The following CENPF variants were observed in gnomAD, a reference collection of about 807,000 sequenced individuals.
CENPF encodes the protein AH antigen.
A neutral mutation model predicts 307.3 loss-of-function variants in CENPF; 214 were observed. That is an observed-to-expected ratio of 0.70 (90% CI 0.62 to 0.78). CENPF has a LOEUF of 0.78. Among genes scored for constraint, CENPF ranks in the 30% least tolerant of loss-of-function variants. The pLI is 0.00. For missense variants in CENPF, 3,401 were observed against 3,483.9 expected (o/e 0.98, Z 0.60); for synonymous variants, 1,259 against 1,270.6 (o/e 0.99, Z 0.19).
chr1:214,618,468 A>T, intron 3 of CENPF, 105 bp from the exon 4 acceptor site: 1 of 1,318,074 alleles, frequency 7.6e-7, no homozygotes, highest in Non-Finnish European at 1.0e-6. Flanking sequence ...TTCTTAGTGG[A>T]TGGGTTTCTT....
In CENPF at chr1:214,646,258, G is replaced by C. The variant is rs1658297150; in HGVS notation, c.6688G>C (p.Asp2230His). 18 of 1,613,962 alleles carry C rather than the reference G, an allele frequency of 1.1e-5. No homozygotes were observed. The highest frequency in any genetic ancestry group is 1.4e-5 in the Non-Finnish European group (16 of 1,180,020). Residue 2230 changes from aspartate (D) to histidine (H), a missense_variant, in exon 13 of 20, where the codon GAC becomes CAC. By Grantham distance (81) the Asp-to-His change is moderately conservative. Transcript: ENST00000366955. ...QEKQGQLSEL[D>H]KLLSSFKSLL... is the part of the protein sequence containing the mutation. ...AAAACAAGGTCAGTTGTCAGAACTA[G>C]ACAAGTTACTCTCTTCATTTAAAAG...
At chr1:214,613,389 G>T in intron 1 of CENPF, 1 of 202,674 alleles carries the variant, frequency 4.9e-6, no homozygotes, top group South Asian at 9.1e-5. Context: ...ATCCTGTGGT[G>T]ACTGCCATCT....
intron 10 of CENPF, 52 bp downstream of exon 10, chr1:214,632,654 A>G (rs762972161): frequency 3.8e-5 from 61 of 1,599,216 alleles, no homozygotes; most frequent in Non-Finnish European, 5.0e-5. Flanking sequence ...ACCAAGTGCA[A>G]GGGGAAAAGA....
In CENPF at chr1:214,609,068, C is replaced by T. The variant is rs566887497; in HGVS notation, c.-41-4646C>T. ...GCAACCACAGGTCTCCATGTCACGC[C>T]GTGGGAAGCCCACCCCGGCCCGCGC... On this transcript the variant is annotated intron_variant, in intron 1 of 19. Coordinates refer to ENST00000366955, the MANE Select transcript of CENPF (RefSeq NM_016343.4). Among the ~76,000 whole-genome samples, 67 of 151,836 alleles carry T rather than the reference C, an allele frequency of 4.4e-4. 1 individual carries two copies. Among genetic ancestry groups the T allele is most frequent in the South Asian group, 1.0e-3 (5 of 4,824 alleles).
At chr1:214,608,479 G>GC in intron 1 of CENPF, 3 of 1,612,826 alleles carry the variant, frequency 1.9e-6, no homozygotes, top group Non-Finnish European at 1.7e-6. Flanking sequence ...CAGGTCCACG[G>GC]CATTGCTGTG....
Position 214,646,858 on chromosome 1 carries a change from G to C in CENPF, c.7288G>C (p.Val2430Leu). 6 of 1,613,294 alleles carry C rather than the reference G, an allele frequency of 3.7e-6. No individual in the cohort carries two copies. Among genetic ancestry groups the C allele is most frequent in the Non-Finnish European group, 4.2e-6 (5 of 1,179,724 alleles). ...TTTGCAAGAAAAAGAGCAAGAGAAA[G>C]TACAGATGAAAGAAAAATCAAGCAC... ...NILQEKEQEK[V>L]QMKEKSSTAM... The change falls in exon 13 of 20, where the codon GTA becomes CTA. Residue 2430 changes from valine to leucine, a missense_variant. Physicochemically the swap from Val to Leu is conservative, Grantham distance 32 (BLOSUM62 1). Coordinates refer to ENST00000366955, the MANE Select transcript of CENPF (RefSeq NM_016343.4).
chr1:214,626,787 TATA>T (rs1363043272), intron 7 of CENPF, among the ~76,000 whole-genome samples: 1 of 152,244 alleles, frequency 6.6e-6, no homozygotes, highest in Admixed American at 6.5e-5. Flanking sequence ...ATGGTGAACT[TATA>T]ATAATATTAG....
In CENPF at chr1:214,640,191, T is replaced by G; in HGVS notation, c.1853T>G (p.Leu618Arg). Residue 618 changes from leucine (L) to arginine (R), a missense_variant, in exon 12 of 20, where the codon CTG (leucine) becomes CGG (arginine). Transcript: ENST00000366955. ...GAAGAATTGAAAGAAGAGAAAACTCTGTTTTCTTGTTGGAAAAGTGAAAAC... is the reference window on the plus strand; with the variant it reads ...GAAGAATTGAAAGAAGAGAAAACTCGGTTTTCTTGTTGGAAAAGTGAAAAC... ...EYEELKEEKT[L>R]FSCWKSENEK... The G allele has an allele frequency of 6.3e-7, 1 of 1,596,626 alleles. No individual in the cohort carries two copies. Among genetic ancestry groups the G allele is most frequent in the Non-Finnish European group, 8.5e-7 (1 of 1,175,776 alleles).
intron 16 of CENPF, 55 bp from the exon 17 acceptor site, chr1:214,655,186 A>G (rs531682890): frequency 1.8e-6 from 2 of 1,141,264 alleles, no homozygotes; most frequent in African/African-American, 1.6e-5. Context: ...TTATTTTTCC[A>G]TATGCTTATA....
chr1:214,642,141 C>A lies in CENPF; in HGVS notation c.3803C>A (p.Ala1268Glu), dbSNP rs116055478. Residue 1268 changes from alanine (A) to glutamate (E), a missense_variant, in exon 12 of 20, where the codon GCG becomes GAG. Ala to Glu is a moderately radical substitution (Grantham distance 107). Coordinates refer to ENST00000366955, the MANE Select transcript of CENPF (RefSeq NM_016343.4). ...GGCCTTAAAGACTGTGAAATAGATGCGGAAGAAAAGTATATTTCAGGGCCT... is the reference window on the plus strand; with the variant it reads ...GGCCTTAAAGACTGTGAAATAGATGAGGAAGAAAAGTATATTTCAGGGCCT... ...ISGLKDCEID[A>E]EEKYISGPHE... 1.9e-6 allele frequency: 3 copies of A among 1,613,676 alleles called. No individual in the cohort carries two copies. The highest frequency in any genetic ancestry group is 2.2e-5 in the South Asian group (2 of 90,966).
In CENPF at chr1:214,641,516, T is replaced by C; in HGVS notation, c.3178T>C (p.Cys1060Arg). Residue 1060 changes from cysteine (C) to arginine (R), a missense_variant, in exon 12 of 20, where the codon TGC becomes CGC. Transcript: ENST00000366955. ...NSKLECLLNECTSLCENRKNE... is the reference protein window; with the variant it reads ...NSKLECLLNERTSLCENRKNE... ...TAAATTAGAATGCTTGCTAAATGAATGCACTAGTCTTTGTGAAAATAGGAA... is the reference window on the plus strand; with the variant it reads ...TAAATTAGAATGCTTGCTAAATGAACGCACTAGTCTTTGTGAAAATAGGAA... 1 of 1,517,084 alleles carries C rather than the reference T, an allele frequency of 6.6e-7. No homozygotes were observed. 94.0% of individuals were successfully genotyped at this position (1,517,084 alleles called of 1,614,324 possible).
At chr1:214,650,867 CAT>C (rs1225826187) in intron 14 of CENPF, among the ~76,000 whole-genome samples, 1 of 152,168 alleles carries the variant, frequency 6.6e-6, no homozygotes, top group Admixed American at 6.5e-5. Context: ...GCCTGGGCAA[CAT>C]AGTGAGACCC....
At position 214,661,383 on chromosome 1, in the gene CENPF, G is replaced by A. The variant is rs527942040; in HGVS notation, c.9142-2208G>A. 1.6e-4 allele frequency among the ~76,000 whole-genome samples: 24 copies of A among 152,210 alleles called. No homozygotes were observed. The South Asian group carries it at 3.5e-3, about 22-fold the overall frequency. On this transcript the variant is annotated intron_variant, in intron 19 of 19. Transcript: ENST00000366955. Reference sequence around the variant, plus strand: ...ATGCTTGCTGCCTCATCTGTTAAGCGTATTACATCACTTAGTTTTAAAAAT... The same window carrying A: ...ATGCTTGCTGCCTCATCTGTTAAGCATATTACATCACTTAGTTTTAAAAAT...
chr1:214,647,479 T>C, intron 13 of CENPF, 79 bp downstream of exon 13: 1 of 1,435,206 alleles, frequency 7.0e-7, no homozygotes, highest in South Asian at 1.5e-5. Flanking sequence ...CACTGTGAAT[T>C]GTATTTACTT....
chr1:214,631,541 C>T (rs930087723), intron 9 of CENPF, among the ~76,000 whole-genome samples: 6 of 152,184 alleles, frequency 3.9e-5, no homozygotes, highest in African/African-American at 1.2e-4. Flanking sequence ...CCTCTGTCAC[C>T]CAGGCTGGAG....
chr1:214,655,423 C>A lies in CENPF; in HGVS notation c.8485+20C>A. The A allele has an allele frequency of 6.4e-7, 1 of 1,556,080 alleles. No individual in the cohort carries two copies. Among genetic ancestry groups the A allele is most frequent in the Non-Finnish European group, 8.7e-7 (1 of 1,154,098 alleles). ...AAACAGGTGGGTGTTAACTGGGGCA[C>A]ATCAACTAGCCAGAACTCTTTTCCA... On this transcript the variant is annotated intron_variant, in intron 17 of 19. Transcript: ENST00000366955.
At chr1:214,625,853 G>A (rs1001473346) in intron 7 of CENPF, among the ~76,000 whole-genome samples, 5 of 151,658 alleles carry the variant, frequency 3.3e-5, no homozygotes, top group Admixed American at 1.3e-4. Context: ...CTCCCTTTTC[G>A]TCTTTTTACC....
At chr1:214,610,182 G>T (rs1476876149) in intron 1 of CENPF, among the ~76,000 whole-genome samples, 2 of 152,102 alleles carry the variant, frequency 1.3e-5, no homozygotes, top group Admixed American at 1.3e-4. Context: ...ATGGCTGAAT[G>T]ATTTATATTC....
chr1:214,618,567 T>C lies in CENPF; in HGVS notation c.360-6T>C. On this transcript the variant is annotated splice_region_variant and splice_polypyrimidine_tract_variant and intron_variant, in intron 3 of 19. Coordinates refer to ENST00000366955, the MANE Select transcript of CENPF (RefSeq NM_016343.4). ...TTTGTCTGCCTCTTGGGTCCTTTTCTAACAGGTGTAAATCTGAGCTTGAAA... is the reference window on the plus strand; with the variant it reads ...TTTGTCTGCCTCTTGGGTCCTTTTCCAACAGGTGTAAATCTGAGCTTGAAA... The C allele has an allele frequency of 6.2e-7, 1 of 1,613,274 alleles. No homozygotes were observed. Among genetic ancestry groups the C allele is most frequent in the Middle Eastern group, 1.7e-4 (1 of 6,056 alleles).
Sources: gnomAD v4.1 joint callset for allele counts (sites outside exome capture counted in the v4.1 genomes callset) on GRCh38, gnomAD v4.1.1 for gene constraint, MANE v1.5 for transcripts, NCBI Gene and HGNC (gene_info 2026-07-23, HGNC 2026-07-21) for gene names.